Variants in CRYBA4 observed in about 807,000 individuals in gnomAD.
The protein encoded by CRYBA4 is crystallin beta A4.
A neutral mutation model predicts 31.7 loss-of-function variants in CRYBA4; 30 were observed. The ratio of observed to expected loss-of-function variants is 0.95; its 90% CI spans 0.71 to 1.28. The LOEUF (loss-of-function observed/expected upper bound fraction) is 1.28. Among genes scored for constraint, CRYBA4 ranks in the 50% most tolerant of loss-of-function variants. The probability of loss-of-function intolerance (pLI) is 0.00; values close to 1 mark genes in which losing one functional copy is unlikely to be tolerated. For missense variants in CRYBA4, 225 were observed against 260.7 expected (o/e 0.86, Z 0.94); for synonymous variants, 102 against 102.3 (o/e 1.00, Z 0.02).
rs77606007 is a variant in CRYBA4, at chr22:26,623,078, G to A, written c.40-156G>A. Among the ~76,000 whole-genome samples, 6,832 of 152,320 alleles carry A rather than the reference G, an allele frequency of 0.045. 202 individuals carry two copies. The highest frequency in any genetic ancestry group is 0.094 in the East Asian group (488 of 5,184). Reference sequence around the variant, plus strand: ...TTACCTGGCACCTGTGCTGTCTAGTGTCTCACATTTATCACTGCTCTTGCC... The same window carrying A: ...TTACCTGGCACCTGTGCTGTCTAGTATCTCACATTTATCACTGCTCTTGCC... On this transcript the variant is annotated intron_variant, in intron 2 of 5. Coordinates refer to ENST00000354760, the MANE Select transcript of CRYBA4 (RefSeq NM_001886.3).
At chr22:26,594,144 G>T in the CRYBA4 span, among the ~76,000 whole-genome samples, 2 of 152,192 alleles carry the variant, frequency 1.3e-5, no homozygotes, top group Non-Finnish European at 2.9e-5. Flanking sequence ...TAGTATTATT[G>T]TTCCTAGCTG....
chr22:26,626,756 G>A (rs970483308), intron 4 of CRYBA4, among the ~76,000 whole-genome samples: 5 of 152,054 alleles, frequency 3.3e-5, no homozygotes, highest in Non-Finnish European at 4.4e-5. Context: ...TTTGGATTTC[G>A]GATTTTTAGG....
rs1929890958 is a variant in CRYBA4 at position 26,630,405 on chromosome 22, C to T, written c.509C>T (p.Ser170Phe). 6.2e-7 allele frequency: 1 copy of T among 1,614,192 alleles called. No homozygotes were observed. The highest frequency in any genetic ancestry group is 8.5e-7 in the Non-Finnish European group (1 of 1,180,016). ...FQYVLECDHH[S>F]GDYKHFREWG... Reference sequence around the variant, plus strand: ...TATGTGCTGGAATGCGATCACCATTCCGGTGACTACAAACATTTCCGGGAG... The same window carrying T: ...TATGTGCTGGAATGCGATCACCATTTCGGTGACTACAAACATTTCCGGGAG... Residue 170 changes from serine to phenylalanine, a missense_variant, in exon 6 of 6, where the codon TCC becomes TTC. By Grantham distance (155) the Ser-to-Phe change is radical. Transcript: ENST00000354760.
chr22:26,630,101 G>A (rs959761680), intron 5 of CRYBA4, among the ~76,000 whole-genome samples: 1 of 152,238 alleles, frequency 6.6e-6, no homozygotes, highest in African/African-American at 2.4e-5. Context: ...TAATTAAGAT[G>A]AGCCATGAAG....
the CRYBA4 span, among the ~76,000 whole-genome samples, chr22:26,596,129 C>T: frequency 1.3e-5 from 2 of 152,108 alleles, no homozygotes; most frequent in Admixed American, 6.6e-5. Flanking sequence ...GAGATGGAAG[C>T]TTGTTCTGTC....
chr22:26,599,116 G>A, the CRYBA4 span, among the ~76,000 whole-genome samples: 1 of 152,164 alleles, frequency 6.6e-6, no homozygotes, highest in Non-Finnish European at 1.5e-5. Flanking sequence ...CCTGCTGCAC[G>A]AATGCCCTGG....
At position 26,628,406 on chromosome 22, in the gene CRYBA4, G is replaced by T; in HGVS notation, c.419G>T (p.Gly140Val). The T allele has an allele frequency of 6.2e-7, 1 of 1,614,070 alleles. No homozygotes were observed. ...ATGGGATGGGAAGGCAATGAAGTAG[G>T]GTCCTTCCACGTCCACTCTGGGGCG... ...QAMGWEGNEV[G>V]SFHVHSGAWV... Residue 140 changes from glycine (G) to valine (V), a missense_variant, in exon 5 of 6, where the codon GGG (glycine) becomes GTG (valine). Gly to Val is a moderately radical substitution (Grantham distance 109). Transcript: ENST00000354760.
At chr22:26,616,194 T>TA in the CRYBA4 span, 3 of 1,614,054 alleles carry the variant, frequency 1.9e-6, no homozygotes, top group Non-Finnish European at 2.5e-6. Context: ...TAGGCACGGT[T>TA]GTTGGGGCCA....
At chr22:26,604,505 C>T in the CRYBA4 span, among the ~76,000 whole-genome samples, 1 of 152,178 alleles carries the variant, frequency 6.6e-6, no homozygotes, top group South Asian at 2.1e-4. Flanking sequence ...CTGGTTAATT[C>T]TTCCAGAGAA....
chr22:26,615,262 G>A, the CRYBA4 span, among the ~76,000 whole-genome samples: 2 of 152,174 alleles, frequency 1.3e-5, no homozygotes, highest in Non-Finnish European at 2.9e-5. Flanking sequence ...ATGCCTTTCA[G>A]CCCAGACCAC....
the CRYBA4 span, among the ~76,000 whole-genome samples, chr22:26,593,745 CCAA>C: frequency 1.3e-5 from 2 of 152,096 alleles, no homozygotes; most frequent in South Asian, 4.1e-4. Flanking sequence ...AGGCTCGTCT[CCAA>C]CTCCTGACCT....
upstream of CRYBA4, among the ~76,000 whole-genome samples, chr22:26,618,619 C>T (rs1929440325): frequency 6.6e-6 from 1 of 152,190 alleles, no homozygotes; most frequent in Non-Finnish European, 1.5e-5. Flanking sequence ...TTATTTGGTA[C>T]TTTCATTATG....
chr22:26,613,849 C>A, the CRYBA4 span, among the ~76,000 whole-genome samples: 1 of 152,186 alleles, frequency 6.6e-6, no homozygotes, highest in African/African-American at 2.4e-5. Flanking sequence ...CTTTCAAAAG[C>A]AAATGGGAGA....
At chr22:26,624,421 T>C (rs1327166378) in intron 3 of CRYBA4, among the ~76,000 whole-genome samples, 1 of 152,098 alleles carries the variant, frequency 6.6e-6, no homozygotes, top group Non-Finnish European at 1.5e-5. Context: ...GGAAAGTAGA[T>C]AGACAGGAGA....
intron 1 of CRYBA4, among the ~76,000 whole-genome samples, chr22:26,622,324 A>C (rs1191030647): frequency 6.6e-6 from 1 of 151,996 alleles, no homozygotes; most frequent in East Asian, 1.9e-4. Context: ...TCCCATAACA[A>C]GCAGATAAGA....
At chr22:26,625,841 G>A (rs1929687372) in intron 4 of CRYBA4, among the ~76,000 whole-genome samples, 1 of 152,128 alleles carries the variant, frequency 6.6e-6, no homozygotes, top group Non-Finnish European at 1.5e-5. Flanking sequence ...TCTGACCAGA[G>A]CCTGCCTTAA....
the CRYBA4 span, among the ~76,000 whole-genome samples, chr22:26,606,920 T>A: frequency 6.6e-6 from 1 of 152,150 alleles, no homozygotes; most frequent in Non-Finnish European, 1.5e-5. Context: ...TGACCTTGAA[T>A]CTTCTGGAAG....
At position 26,625,566 on chromosome 22, in the gene CRYBA4, G is replaced by A. The variant is rs376710882; in HGVS notation, c.244G>A (p.Gly82Ser). Residue 82 changes from glycine (G) to serine (S), a missense_variant, in exon 4 of 6, where the codon GGC (glycine) becomes AGC (serine). Gly to Ser is a moderately conservative substitution (Grantham distance 56, BLOSUM62 0). Coordinates refer to ENST00000354760, the MANE Select transcript of CRYBA4 (RefSeq NM_001886.3). ...GEYPSWDAWG[G>S]NTAYPAERLT... ...ATATCCAAGCTGGGATGCCTGGGGC[G>A]GCAACACGGCCTACCCCGCCGAGAG... 47 of 1,613,814 alleles carry A rather than the reference G, an allele frequency of 2.9e-5. No homozygotes were observed. Among genetic ancestry groups the A allele is most frequent in the Middle Eastern group, 1.6e-4 (1 of 6,084 alleles).
At chr22:26,591,988 TTGG>T in the CRYBA4 span, among the ~76,000 whole-genome samples, 1 of 151,956 alleles carries the variant, frequency 6.6e-6, no homozygotes, top group African/African-American at 2.4e-5. Flanking sequence ...TGTTCATTCA[TTGG>T]TCATTCATTA....
Sources: gnomAD v4.1 joint callset for allele counts (sites outside exome capture counted in the v4.1 genomes callset) on GRCh38, gnomAD v4.1.1 for gene constraint, MANE v1.5 for transcripts, NCBI Gene and HGNC (gene_info 2026-07-23, HGNC 2026-07-21) for gene names.